SPOCK1: variants seen among roughly 807,000 people sequenced by gnomAD.
The protein encoded by SPOCK1 is SPARC (osteonectin), cwcv and kazal like domains proteoglycan 1.
In SPOCK1, 23 loss-of-function variants were observed where a neutral mutation model predicts 55.3. The observed-to-expected ratio is 0.42, with a 90% confidence interval of 0.30 to 0.59. The LOEUF (loss-of-function observed/expected upper bound fraction) is 0.59. Among genes scored for constraint, SPOCK1 ranks in the 20% least tolerant of loss-of-function variants. The pLI is 0.22. For synonymous variants in SPOCK1, 226 were observed against 221.0 expected (o/e 1.02, Z -0.20); for missense variants, 499 against 552.5 (o/e 0.90, Z 0.97).
At chr5:137,279,759 G>C (rs1242284795) in intron 2 of SPOCK1, among the ~76,000 whole-genome samples, 1 of 152,206 alleles carries the variant, frequency 6.6e-6, no homozygotes, top group East Asian at 1.9e-4. Flanking sequence ...GCTAAGCCAT[G>C]ACACTGTATC....
chr5:137,114,882 A>G (rs1403272492), intron 4 of SPOCK1, among the ~76,000 whole-genome samples: 1 of 152,242 alleles, frequency 6.6e-6, no homozygotes, highest in African/African-American at 2.4e-5. Flanking sequence ...AAGTCCAAAG[A>G]GTGGGCAGCT....
chr5:137,115,171 G>C (rs995134956), intron 4 of SPOCK1, among the ~76,000 whole-genome samples: 1 of 152,164 alleles, frequency 6.6e-6, no homozygotes, highest in African/African-American at 2.4e-5. Context: ...TATCCCTGTA[G>C]GGTGGCGGGG....
chr5:137,162,402 G>T (rs1259497467), intron 3 of SPOCK1, among the ~76,000 whole-genome samples: 1 of 152,150 alleles, frequency 6.6e-6, no homozygotes, highest in Admixed American at 6.6e-5. Flanking sequence ...GCCTCCTGAA[G>T]TGCTGGGATT....
At chr5:136,980,531 C>T (rs1750708247) in intron 9 of SPOCK1, among the ~76,000 whole-genome samples, 1 of 152,122 alleles carries the variant, frequency 6.6e-6, no homozygotes, top group Non-Finnish European at 1.5e-5. Flanking sequence ...GCGAGTTTTT[C>T]CCATGCTGTT....
intron 3 of SPOCK1, among the ~76,000 whole-genome samples, chr5:137,249,127 T>C (rs2916628): frequency 0.067 from 10,257 of 152,276 alleles, 1,055 homozygotes; most frequent in African/African-American, 0.23. Flanking sequence ...AATTTTCCCA[T>C]CAGCAATGCT....
At chr5:137,121,708 A>G (rs1753687491) in intron 4 of SPOCK1, among the ~76,000 whole-genome samples, 1 of 146,636 alleles carries the variant, frequency 6.8e-6, no homozygotes, top group Admixed American at 6.9e-5. Context: ...TATATTTATA[A>G]AACAGGGATA....
chr5:136,983,006 T>C (rs902084369), intron 9 of SPOCK1, among the ~76,000 whole-genome samples: 1 of 152,260 alleles, frequency 6.6e-6, no homozygotes, highest in East Asian at 1.9e-4. Flanking sequence ...TAGTTTTTAG[T>C]TTTGGTTTTC....
chr5:137,371,838 T>C (rs921113844), intron 2 of SPOCK1, among the ~76,000 whole-genome samples: 3 of 152,190 alleles, frequency 2.0e-5, no homozygotes, highest in African/African-American at 7.2e-5. Context: ...TATTCACCCA[T>C]TTAACCCTCA....
At chr5:137,371,922 G>A (rs1037400450) in intron 2 of SPOCK1, among the ~76,000 whole-genome samples, 59 of 152,262 alleles carry the variant, frequency 3.9e-4, no homozygotes, top group African/African-American at 1.2e-3. Context: ...GAAATATAAC[G>A]TCAACCACAA....
At chr5:137,001,693 A>T (rs1191589244) in intron 6 of SPOCK1, among the ~76,000 whole-genome samples, 1 of 152,160 alleles carries the variant, frequency 6.6e-6, no homozygotes, top group Non-Finnish European at 1.5e-5. Flanking sequence ...TCATCTGTAA[A>T]ATGGGAATAA....
chr5:137,322,796 C>T (rs1240595273), intron 2 of SPOCK1, among the ~76,000 whole-genome samples: 1 of 152,090 alleles, frequency 6.6e-6, no homozygotes, highest in Non-Finnish European at 1.5e-5. Flanking sequence ...ATTTTAGTAT[C>T]ACAGGAAACC....
At chr5:137,441,650 G>C (rs1272880558) in intron 2 of SPOCK1, among the ~76,000 whole-genome samples, 5 of 152,252 alleles carry the variant, frequency 3.3e-5, no homozygotes, top group South Asian at 2.1e-4. Flanking sequence ...GTCACACAAG[G>C]CTGGCAGCTG....
chr5:137,110,141 G>T (rs1049347055), intron 5 of SPOCK1, among the ~76,000 whole-genome samples: 3 of 152,216 alleles, frequency 2.0e-5, no homozygotes, highest in Non-Finnish European at 4.4e-5. Context: ...AACGATAGTG[G>T]CAAGGGAGAG....
At chr5:137,136,453 T>C (rs897527637) in intron 4 of SPOCK1, among the ~76,000 whole-genome samples, 2 of 152,076 alleles carry the variant, frequency 1.3e-5, no homozygotes, top group South Asian at 4.1e-4. Flanking sequence ...TTATAAAAAT[T>C]AACTAAAGAG....
chr5:137,350,820 C>A (rs1750661980), intron 2 of SPOCK1, among the ~76,000 whole-genome samples: 1 of 150,706 alleles, frequency 6.6e-6, no homozygotes, highest in Admixed American at 6.6e-5. Context: ...TGTGTGTGTC[C>A]ACGCACGTGT....
chr5:137,326,518 A>G (rs1758080607), intron 2 of SPOCK1, among the ~76,000 whole-genome samples: 1 of 152,202 alleles, frequency 6.6e-6, no homozygotes, highest in Non-Finnish European at 1.5e-5. Context: ...TTGCATATGC[A>G]TTTGATTTTT....
At chr5:137,443,256 G>A (rs1753055535) in intron 2 of SPOCK1, among the ~76,000 whole-genome samples, 1 of 152,170 alleles carries the variant, frequency 6.6e-6, no homozygotes, top group Admixed American at 6.5e-5. Context: ...AGCATAGTAT[G>A]TGAATCATAG....
At chr5:137,265,253 TA>T in intron 3 of SPOCK1, among the ~76,000 whole-genome samples, 1 of 152,338 alleles carries the variant, frequency 6.6e-6, no homozygotes, top group East Asian at 1.9e-4. Flanking sequence ...TATGCATTAG[TA>T]AAAGTAAAAA....
intron 6 of SPOCK1, among the ~76,000 whole-genome samples, chr5:137,038,154 T>TA (rs528219065): frequency 3.2e-4 from 48 of 152,306 alleles, no homozygotes; most frequent in African/African-American, 1.1e-3. Flanking sequence ...TCTGCTGACA[T>TA]AGAGGGCAAG....
Sources: gnomAD v4.1 joint callset for allele counts (sites outside exome capture counted in the v4.1 genomes callset) on GRCh38, gnomAD v4.1.1 for gene constraint, MANE v1.5 for transcripts, NCBI Gene and HGNC (gene_info 2026-07-23, HGNC 2026-07-21) for gene names.